Variants in CNTLN observed in about 807,000 individuals in gnomAD.
CNTLN encodes the protein centlein.
Under a neutral mutation model 180.0 loss-of-function variants are expected in CNTLN, and 212 were observed. The ratio of observed to expected loss-of-function variants is 1.18; its 90% CI spans 1.05 to 1.32. The LOEUF (loss-of-function observed/expected upper bound fraction) is 1.32. Among genes scored for constraint, CNTLN ranks in the 40% most tolerant of loss-of-function variants. The pLI is 0.00. For synonymous variants in CNTLN, 722 were observed against 563.1 expected, an observed-to-expected ratio of 1.28 and a Z score of -3.99; for missense variants, 2,095 against 1,610.9, an observed-to-expected ratio of 1.30 and a Z score of -5.14.
chr9:17,225,878 T>A (rs1468886080), intron 2 of CNTLN, among the ~76,000 whole-genome samples: 2 of 152,030 alleles, frequency 1.3e-5, no homozygotes, highest in Non-Finnish European at 2.9e-5. Flanking sequence ...TTAATATAAT[T>A]GTGTATATGA....
At chr9:17,286,097 T>A (rs1266294500) in intron 6 of CNTLN, among the ~76,000 whole-genome samples, 2 of 86,262 alleles carry the variant, frequency 2.3e-5, no homozygotes, top group Non-Finnish European at 4.2e-5. Context: ...ATGTCCTGAA[T>A]GGTAATGCCT....
chr9:17,206,844 C>G (rs923701664), intron 2 of CNTLN, among the ~76,000 whole-genome samples: 1 of 152,212 alleles, frequency 6.6e-6, no homozygotes, highest in African/African-American at 2.4e-5. Flanking sequence ...AAACAATAGA[C>G]AATCACAAAA....
intron 2 of CNTLN, among the ~76,000 whole-genome samples, chr9:17,151,260 T>A (rs1818855176): frequency 6.6e-6 from 1 of 152,232 alleles, no homozygotes; most frequent in South Asian, 2.1e-4. Flanking sequence ...TTTTGCCCTA[T>A]CAGTATGGTA....
intron 8 of CNTLN, among the ~76,000 whole-genome samples, chr9:17,319,502 T>C (rs894011987): frequency 2.6e-5 from 4 of 152,202 alleles, no homozygotes; most frequent in African/African-American, 7.2e-5. Context: ...TGGGACTTTT[T>C]TGTGCAGGAT....
chr9:17,170,809 C>G (rs1323311085), intron 2 of CNTLN, among the ~76,000 whole-genome samples: 3 of 151,964 alleles, frequency 2.0e-5, no homozygotes, highest in Non-Finnish European at 4.4e-5. Flanking sequence ...CAATGATGGA[C>G]TATATATCTG....
intron 18 of CNTLN, among the ~76,000 whole-genome samples, chr9:17,425,346 C>T (rs531535431): frequency 6.6e-6 from 1 of 152,218 alleles, no homozygotes; most frequent in African/African-American, 2.4e-5. Flanking sequence ...ACACCCGATT[C>T]TACTCTCTCT....
At chr9:17,183,159 G>A (rs796177444) in intron 2 of CNTLN, among the ~76,000 whole-genome samples, 113 of 152,294 alleles carry the variant, frequency 7.4e-4, no homozygotes, top group African/African-American at 2.6e-3. Context: ...GGACCTTCAA[G>A]TTTGGTCATC....
intron 8 of CNTLN, among the ~76,000 whole-genome samples, chr9:17,323,276 T>C (rs377135812): frequency 5.3e-5 from 8 of 152,326 alleles, no homozygotes; most frequent in South Asian, 4.1e-4. Context: ...TCATACATTA[T>C]TGGAATACAG....
chr9:17,316,234 C>T (rs187974123), intron 8 of CNTLN, among the ~76,000 whole-genome samples: 1 of 151,832 alleles, frequency 6.6e-6, no homozygotes, highest in Admixed American at 6.6e-5. Flanking sequence ...TCTATTTTGT[C>T]TGATATTAAT....
At chr9:17,207,596 G>T (rs530528286) in intron 2 of CNTLN, among the ~76,000 whole-genome samples, 1 of 152,180 alleles carries the variant, frequency 6.6e-6, no homozygotes, top group East Asian at 1.9e-4. Flanking sequence ...GGGGAGGGAG[G>T]TCCCCCAGCT....
intron 21 of CNTLN, among the ~76,000 whole-genome samples, chr9:17,465,600 A>G (rs1379313236): frequency 6.6e-6 from 1 of 150,952 alleles, no homozygotes; most frequent in Non-Finnish European, 1.5e-5. Context: ...AAGGTATGTA[A>G]TAGTTATTTT....
At chr9:17,495,736 C>T (rs1417410988) in intron 25 of CNTLN, among the ~76,000 whole-genome samples, 2 of 152,186 alleles carry the variant, frequency 1.3e-5, no homozygotes, top group East Asian at 3.9e-4. Flanking sequence ...TTACTCACCG[C>T]TCACTCACTG....
At chr9:17,362,871 A>C (rs142740989) in intron 12 of CNTLN, among the ~76,000 whole-genome samples, 1,861 of 152,032 alleles carry the variant, frequency 0.012, 48 homozygotes, top group African/African-American at 0.042. Context: ...TATTTCTCCT[A>C]ATGCTATCCC....
intron 12 of CNTLN, among the ~76,000 whole-genome samples, chr9:17,366,157 AATCT>A (rs1823799054): frequency 6.6e-6 from 1 of 152,098 alleles, no homozygotes; most frequent in Non-Finnish European, 1.5e-5. Context: ...ACAAGGGCCT[AATCT>A]TTTGCCCAGG....
chr9:17,404,051 C>G (rs1208735492), intron 15 of CNTLN, among the ~76,000 whole-genome samples: 4 of 151,746 alleles, frequency 2.6e-5, no homozygotes, highest in African/African-American at 9.7e-5. Context: ...GCTGGAATTA[C>G]AGGTATGAGC....
chr9:17,365,681 C>T (rs1243414455), intron 12 of CNTLN, among the ~76,000 whole-genome samples: 9 of 152,206 alleles, frequency 5.9e-5, no homozygotes, highest in East Asian at 1.9e-4. Flanking sequence ...TTGAGCATGG[C>T]GGGTGTTGTG....
At chr9:17,505,800 C>G (rs1833923524), downstream of CNTLN, among the ~76,000 whole-genome samples, 3 of 152,014 alleles carry the variant, frequency 2.0e-5, no homozygotes, top group African/African-American at 7.2e-5. Context: ...TATGGGAACT[C>G]AGAAACTAGA....
intron 12 of CNTLN, among the ~76,000 whole-genome samples, chr9:17,363,036 T>G (rs898268123): frequency 6.6e-6 from 1 of 152,226 alleles, no homozygotes; most frequent in Non-Finnish European, 1.5e-5. Context: ...GTTTCCAGCT[T>G]CATCCATGTC....
At chr9:17,165,618 G>C (rs1286388063) in intron 2 of CNTLN, among the ~76,000 whole-genome samples, 1 of 152,062 alleles carries the variant, frequency 6.6e-6, no homozygotes, top group African/African-American at 2.4e-5. Context: ...CTCTCATTAA[G>C]GCAGGAGGCA....
Sources: allele counts gnomAD v4.1 joint callset (sites outside exome capture counted in the v4.1 genomes callset), GRCh38; gene constraint gnomAD v4.1.1; transcripts MANE v1.5; gene names NCBI Gene and HGNC (gene_info 2026-07-23, HGNC 2026-07-21).